COL21A1: variants seen among roughly 807,000 people sequenced by gnomAD.
COL21A1 encodes the protein collagen type XXI alpha 1 chain, also known as collagen alpha-1(XXI) chain.
A neutral mutation model predicts 137.9 loss-of-function variants in COL21A1; 149 were observed. The ratio of observed to expected loss-of-function variants is 1.08; its 90% confidence interval spans 0.95 to 1.24. COL21A1 has a LOEUF of 1.24. COL21A1 is among the 50% of genes most tolerant of loss of function. COL21A1 has a pLI of 0.00. For missense variants in COL21A1, 1,167 were observed against 1,158.4 expected, an observed-to-expected ratio of 1.01 and a Z score of -0.11; for synonymous variants, 456 against 391.5, an observed-to-expected ratio of 1.16 and a Z score of -1.95.
chr6:56,229,209 T>G (rs1338099688), intron 1 of COL21A1, among the ~76,000 whole-genome samples: 1 of 151,812 alleles, frequency 6.6e-6, no homozygotes, highest in Admixed American at 6.6e-5. Context: ...AGAGAAACCC[T>G]GTCTCTACAA....
At chr6:56,156,603 G>C (rs1025604097) in intron 10 of COL21A1, among the ~76,000 whole-genome samples, 2 of 151,804 alleles carry the variant, frequency 1.3e-5, no homozygotes, top group African/African-American at 4.8e-5. Context: ...GAGATGGCCT[G>C]ATCACAGAGG....
intron 17 of COL21A1, among the ~76,000 whole-genome samples, chr6:56,092,292 G>C (rs998012404): frequency 2.0e-5 from 3 of 151,916 alleles, no homozygotes; most frequent in Non-Finnish European, 2.9e-5. Flanking sequence ...ACCCAACTGG[G>C]GAAAAATAAG....
chr6:56,273,147 A>C (rs1562034640), intron 1 of COL21A1, among the ~76,000 whole-genome samples: 1 of 152,260 alleles, frequency 6.6e-6, no homozygotes, highest in Non-Finnish European at 1.5e-5. Context: ...GTGAACATAA[A>C]AATTAAGGCA....
chr6:56,159,592 A>G (rs1250087935), intron 9 of COL21A1, among the ~76,000 whole-genome samples: 1 of 150,884 alleles, frequency 6.6e-6, no homozygotes, highest in Non-Finnish European at 1.5e-5. Context: ...CTGCCTCCCA[A>G]AGTGTTGGGA....
At chr6:56,368,001 A>C (rs756403101) in intron 1 of COL21A1, among the ~76,000 whole-genome samples, 1 of 152,236 alleles carries the variant, frequency 6.6e-6, no homozygotes, top group Non-Finnish European at 1.5e-5. Flanking sequence ...GGAATGAGCC[A>C]CTGCACCTGG....
intron 1 of COL21A1, among the ~76,000 whole-genome samples, chr6:56,217,382 C>T (rs1162379642): frequency 6.6e-6 from 1 of 152,036 alleles, no homozygotes; most frequent in Non-Finnish European, 1.5e-5. Context: ...GTGGCTCTCA[C>T]CCTCCACAGC....
intron 3 of COL21A1, among the ~76,000 whole-genome samples, chr6:56,176,047 A>G (rs989283313): frequency 4.6e-5 from 7 of 152,176 alleles, no homozygotes; most frequent in African/African-American, 1.7e-4. Context: ...CTCTTCAATC[A>G]ATAGTGCTGG....
At chr6:56,225,252 T>C (rs376543029) in intron 1 of COL21A1, among the ~76,000 whole-genome samples, 16 of 152,184 alleles carry the variant, frequency 1.1e-4, no homozygotes, top group East Asian at 7.7e-4. Context: ...TCAACAATCA[T>C]TTCTTTAAAT....
chr6:56,287,558 A>G (rs780723270), intron 1 of COL21A1, among the ~76,000 whole-genome samples: 3 of 152,024 alleles, frequency 2.0e-5, no homozygotes, highest in Non-Finnish European at 4.4e-5. Flanking sequence ...CCATGTGAAG[A>G]AGATGTGCTT....
intron 1 of COL21A1, among the ~76,000 whole-genome samples, chr6:56,285,482 T>C (rs1036205936): frequency 6.6e-6 from 1 of 152,212 alleles, no homozygotes; most frequent in African/African-American, 2.4e-5. Flanking sequence ...AAAAATTGGT[T>C]TTCTTCTTGG....
Position 56,115,211 on chromosome 6 carries a change from G to A in COL21A1, c.1758+8851C>T, listed in dbSNP as rs1282183178. ...CTAATGCTAGATGACGAGTTAGTGG[G>A]TGCAGCGCACCAGCATGGCACACGT... On this transcript the variant is annotated intron_variant, in intron 16 of 29. Coordinates refer to ENST00000244728, the MANE Select transcript of COL21A1 (RefSeq NM_030820.4). Among the ~76,000 whole-genome samples the A allele has an allele frequency of 2.0e-5, 3 of 151,626 alleles. No individual in the cohort carries two copies. In the South Asian group the frequency reaches 6.3e-4, roughly 32 times the overall value.
At chr6:56,176,392 C>T (rs1018141198) in intron 3 of COL21A1, among the ~76,000 whole-genome samples, 1 of 148,936 alleles carries the variant, frequency 6.7e-6, no homozygotes, top group African/African-American at 2.5e-5. Context: ...GGTTAACATT[C>T]AAAATAAATA....
At chr6:56,304,151 T>C (rs1764373342) in intron 1 of COL21A1, among the ~76,000 whole-genome samples, 1 of 152,162 alleles carries the variant, frequency 6.6e-6, no homozygotes, top group Non-Finnish European at 1.5e-5. Flanking sequence ...TTATTGAGGA[T>C]TTTTGCATCG....
At chr6:56,104,626 C>T (rs867104328) in intron 16 of COL21A1, among the ~76,000 whole-genome samples, 2 of 152,006 alleles carry the variant, frequency 1.3e-5, no homozygotes, top group Non-Finnish European at 2.9e-5. Context: ...GTCTCATATC[C>T]GATTTATTGT....
intron 24 of COL21A1, among the ~76,000 whole-genome samples, chr6:56,063,183 A>C (rs1372956479): frequency 1.3e-5 from 2 of 152,074 alleles, no homozygotes; most frequent in Non-Finnish European, 2.9e-5. Context: ...GCCTTAGGAG[A>C]GCACACACAC....
intron 16 of COL21A1, among the ~76,000 whole-genome samples, chr6:56,122,963 C>G (rs1772682606): frequency 6.6e-6 from 1 of 152,182 alleles, no homozygotes; most frequent in Non-Finnish European, 1.5e-5. Context: ...ATTCTATTCT[C>G]TAAGCTCTCC....
intron 17 of COL21A1, among the ~76,000 whole-genome samples, chr6:56,090,401 C>T (rs1768689973): frequency 6.6e-6 from 1 of 152,166 alleles, no homozygotes; most frequent in Non-Finnish European, 1.5e-5. Context: ...AAGAATAAAA[C>T]AGATCTGTGA....
chr6:56,360,247 A>G (rs1562071456), intron 1 of COL21A1, among the ~76,000 whole-genome samples: 1 of 152,228 alleles, frequency 6.6e-6, no homozygotes. Flanking sequence ...GCATTGTGCC[A>G]TGGCATCTGT....
intron 1 of COL21A1, among the ~76,000 whole-genome samples, chr6:56,200,096 C>T (rs1779282931): frequency 6.6e-6 from 1 of 152,084 alleles, no homozygotes. Context: ...GATCTGGGGA[C>T]AAGATTTCCA....
Sources: gnomAD v4.1 joint callset for allele counts (sites outside exome capture counted in the v4.1 genomes callset) on GRCh38, gnomAD v4.1.1 for gene constraint, MANE v1.5 for transcripts, NCBI Gene and HGNC (gene_info 2026-07-23, HGNC 2026-07-21) for gene names.